SPMAP2L: variants seen among roughly 807,000 people sequenced by gnomAD.
The protein encoded by SPMAP2L is sperm microtubule associated protein 2 like, also known as sperm microtubule associated protein 2-like.
chr4:56,566,266 T>C, the SPMAP2L span, among the ~76,000 whole-genome samples: 87 of 152,186 alleles, frequency 5.7e-4, 2 homozygotes, highest in Non-Finnish European at 2.2e-4. Flanking sequence ...TGGCACAATC[T>C]TGGCTCACTG....
chr4:56,588,494 C>T, the SPMAP2L span, among the ~76,000 whole-genome samples: 1,025 of 150,212 alleles, frequency 6.8e-3, 11 homozygotes, highest in African/African-American at 0.024. Context: ...TGCAATGGTG[C>T]GATCTTGGCT....
the SPMAP2L span, among the ~76,000 whole-genome samples, chr4:56,568,023 CTG>C: frequency 1.7e-4 from 26 of 152,116 alleles, no homozygotes; most frequent in Non-Finnish European, 5.9e-5. Flanking sequence ...TTCCTCACCT[CTG>C]TGTTTTATTT....
the SPMAP2L span, chr4:56,575,431 G>A: frequency 1.3e-3 from 1,981 of 1,490,028 alleles, 21 homozygotes; most frequent in African/African-American, 0.023. Flanking sequence ...CCTGGGGATC[G>A]ATGTTGGAAA....
At chr4:56,600,805 A>C in the SPMAP2L span, 5 of 901,214 alleles carry the variant, frequency 5.5e-6, no homozygotes, top group Non-Finnish European at 8.2e-6. Flanking sequence ...GGAAGCAGAG[A>C]GACCAGTTAC....
chr4:56,583,770 G>A, the SPMAP2L span, among the ~76,000 whole-genome samples: 1,042 of 152,204 alleles, frequency 6.8e-3, 14 homozygotes, highest in African/African-American at 0.024. Context: ...AATTGGTATA[G>A]AATGAAGTGT....
the SPMAP2L span, among the ~76,000 whole-genome samples, chr4:56,571,211 A>G: frequency 1.3e-5 from 2 of 151,920 alleles, no homozygotes; most frequent in African/African-American, 4.8e-5. Context: ...CTATCCAAAA[A>G]TATTTTTTCT....
chr4:56,607,723 C>T, the SPMAP2L span, among the ~76,000 whole-genome samples: 1 of 152,060 alleles, frequency 6.6e-6, no homozygotes, highest in South Asian at 2.1e-4. Context: ...CATGGTGGCT[C>T]CCGGCTGTAA....
At chr4:56,551,985 C>T in the SPMAP2L span, among the ~76,000 whole-genome samples, 3 of 152,164 alleles carry the variant, frequency 2.0e-5, no homozygotes. Context: ...TCACTCCAAA[C>T]AACTGCAAAG....
the SPMAP2L span, among the ~76,000 whole-genome samples, chr4:56,575,023 G>A: frequency 7.2e-5 from 11 of 152,128 alleles, no homozygotes; most frequent in South Asian, 2.1e-4. Context: ...GGCCGAGGCC[G>A]GTGGATCACG....
the SPMAP2L span, among the ~76,000 whole-genome samples, chr4:56,535,607 G>C: frequency 2.0e-5 from 3 of 152,142 alleles, no homozygotes; most frequent in African/African-American, 4.8e-5. Context: ...CATGAGTCTT[G>C]CTGATGCTCC....
chr4:56,612,983 C>G, the SPMAP2L span, among the ~76,000 whole-genome samples: 2 of 152,152 alleles, frequency 1.3e-5, no homozygotes, highest in Non-Finnish European at 2.9e-5. Flanking sequence ...CCCAGCAAAC[C>G]TCTAAGCGGA....
the SPMAP2L span, among the ~76,000 whole-genome samples, chr4:56,580,035 C>T: frequency 1.8e-4 from 27 of 152,126 alleles, no homozygotes; most frequent in African/African-American, 6.5e-4. Flanking sequence ...CCTTCAAACT[C>T]TCAAAAAATC....
At chr4:56,550,454 G>A in the SPMAP2L span, among the ~76,000 whole-genome samples, 1 of 152,158 alleles carries the variant, frequency 6.6e-6, no homozygotes, top group African/African-American at 2.4e-5. Flanking sequence ...GAGAGAAAAT[G>A]AAATTCAGCA....
At chr4:56,621,252 T>C in the SPMAP2L span, among the ~76,000 whole-genome samples, 2 of 152,130 alleles carry the variant, frequency 1.3e-5, no homozygotes, top group African/African-American at 4.8e-5. Context: ...AAAGCAAAAA[T>C]GTGCTCCAAT....
At chr4:56,556,165 A>G in the SPMAP2L span, among the ~76,000 whole-genome samples, 2 of 152,212 alleles carry the variant, frequency 1.3e-5, no homozygotes, top group African/African-American at 2.4e-5. Flanking sequence ...GAAAGGCACA[A>G]TTCCTTTGAT....
chr4:56,553,488 T>C, the SPMAP2L span, among the ~76,000 whole-genome samples: 1 of 132,898 alleles, frequency 7.5e-6, no homozygotes, highest in African/African-American at 2.6e-5. Context: ...CCACCATGCC[T>C]GTCCTATTGC....
chr4:56,544,661 GGCTCCGCTAGGCCGAGCCCC>G, the SPMAP2L span, among the ~76,000 whole-genome samples: 364 of 152,128 alleles, frequency 2.4e-3, 1 homozygote, highest in African/African-American at 8.5e-3. Context: ...CGAGTTGCTG[GGCTCCGCTAGGCCGAGCCCC>G]GCAGCCCTCC....
chr4:56,568,315 C>T, the SPMAP2L span, among the ~76,000 whole-genome samples: 21 of 152,140 alleles, frequency 1.4e-4, no homozygotes, highest in Non-Finnish European at 2.9e-4. Context: ...TCATAATTTA[C>T]TGCTTCTTTG....
chr4:56,554,172 G>GT, the SPMAP2L span, among the ~76,000 whole-genome samples: 1 of 152,022 alleles, frequency 6.6e-6, no homozygotes, highest in Non-Finnish European at 1.5e-5. Flanking sequence ...TCACGTGCAG[G>GT]TTTTTTTGGT....
Sources: allele counts gnomAD v4.1 joint callset (sites outside exome capture counted in the v4.1 genomes callset), GRCh38; gene constraint gnomAD v4.1.1; transcripts MANE v1.5; gene names NCBI Gene and HGNC (gene_info 2026-07-23, HGNC 2026-07-21).